PTTG1: variants seen among roughly 807,000 people sequenced by gnomAD.
The protein encoded by PTTG1 is securin.
A neutral mutation model predicts 20.0 loss-of-function variants in PTTG1; 8 were observed. That is an observed-to-expected ratio of 0.40 (90% CI 0.23 to 0.72). The LOEUF is 0.72. PTTG1 is among the 30% of genes least tolerant of loss of function. PTTG1 has a pLI of 0.38. For missense variants in PTTG1, 197 were observed against 236.0 expected (o/e 0.83, Z 1.08); for synonymous variants, 79 against 87.2 (o/e 0.91, Z 0.52).
intron 5 of PTTG1, 79 bp downstream of exon 5, chr5:160,427,952 G>C (rs1765841780): frequency 6.4e-7 from 1 of 1,552,156 alleles, no homozygotes; most frequent in African/African-American, 1.4e-5. Context: ...GAAGAGTTGT[G>C]CGGGAGGTGA....
intron 4 of PTTG1, among the ~76,000 whole-genome samples, chr5:160,426,176 A>T (rs963918553): frequency 1.3e-5 from 2 of 152,168 alleles, no homozygotes; most frequent in African/African-American, 4.8e-5. Context: ...GAAACTTAAG[A>T]TATTTATTCA....
At chr5:160,427,047 A>AG (rs1765821204) in intron 4 of PTTG1, among the ~76,000 whole-genome samples, 1 of 152,178 alleles carries the variant, frequency 6.6e-6, no homozygotes. Flanking sequence ...GTCTCAAAAA[A>AG]AAAATATTCA....
intron 4 of PTTG1, among the ~76,000 whole-genome samples, chr5:160,425,466 G>A (rs901365332): frequency 6.6e-6 from 1 of 152,194 alleles, no homozygotes; most frequent in Non-Finnish European, 1.5e-5. Context: ...TCAAAATAGT[G>A]TAAATTGTTA....
chr5:160,422,042 C>T (rs1765720731), intron 1 of PTTG1, 151 bp downstream of exon 1: 3 of 320,268 alleles, frequency 9.4e-6, no homozygotes, highest in South Asian at 7.9e-5. Context: ...AGCGTGGTCT[C>T]GGACTGCTAA....
rs1370620903 is a variant in PTTG1 at position 160,427,721 on chromosome 5, A to G, written c.377A>G (p.Glu126Gly). ...CGCTTTCTCTCTGTAACAGACTTTG[A>G]GAGTTTTGACCTGCCTGAAGAGCAC... ...KFFPFNPLDF[E>G]SFDLPEEHQI... The change falls in exon 5 of 6, where the codon GAG (glutamate) becomes GGG (glycine). Residue 126 changes from glutamate to glycine, a missense_variant. Coordinates refer to ENST00000352433, the MANE Select transcript of PTTG1 (RefSeq NM_004219.4). 1.9e-6 allele frequency: 3 copies of G among 1,613,804 alleles called. No individual in the cohort carries two copies. The highest frequency in any genetic ancestry group is 2.7e-5 in the African/African-American group (2 of 74,910).
chr5:160,427,514 T>A (rs1196885359), intron 4 of PTTG1, among the ~76,000 whole-genome samples: 1 of 152,194 alleles, frequency 6.6e-6, no homozygotes, highest in East Asian at 1.9e-4. Flanking sequence ...TGCCTTGATT[T>A]GTGTTGAGGC....
In PTTG1 at chr5:160,424,267, T is replaced by C; in HGVS notation, c.307T>C (p.Ser103Pro). Residue 103 changes from serine to proline, a missense_variant, in exon 4 of 6, where the codon TCT becomes CCT. Coordinates refer to ENST00000352433, the MANE Select transcript of PTTG1 (RefSeq NM_004219.4). ...TGAGAAGACTGTTAAAGCAAAAAGCTCTGTTCCTGCCTCAGATGATGCCTA... is the reference window on the plus strand; with the variant it reads ...TGAGAAGACTGTTAAAGCAAAAAGCCCTGTTCCTGCCTCAGATGATGCCTA... ...MTEKTVKAKS[S>P]VPASDDAYPE... 6.2e-7 allele frequency: 1 copy of C among 1,612,776 alleles called. No homozygotes were observed.
chr5:160,424,199 C>G (rs1278128547), intron 3 of PTTG1, 38 bp from the exon 4 acceptor site: 1 of 1,443,952 alleles, frequency 6.9e-7, no homozygotes, highest in Non-Finnish European at 9.6e-7. Context: ...AATAAGACTT[C>G]CACTGTCACT....
intron 5 of PTTG1, among the ~76,000 whole-genome samples, chr5:160,428,170 A>G (rs1027923766): frequency 2.0e-5 from 3 of 152,240 alleles, no homozygotes; most frequent in African/African-American, 7.2e-5. Flanking sequence ...CTTGCTTGGA[A>G]TGATGATTCC....
chr5:160,425,996 T>C (rs1765801815), intron 4 of PTTG1, among the ~76,000 whole-genome samples: 1 of 152,216 alleles, frequency 6.6e-6, no homozygotes, highest in African/African-American at 2.4e-5. Flanking sequence ...TTTTTAAAAA[T>C]AATTGCTAAG....
At chr5:160,428,021 A>G (rs1581087086) in intron 5 of PTTG1, 148 bp downstream of exon 5, 2 of 1,058,850 alleles carry the variant, frequency 1.9e-6, no homozygotes, top group East Asian at 2.6e-5. Flanking sequence ...AAAATAAACT[A>G]TTCTCGATTA....
chr5:160,426,197 A>G (rs982920947), intron 4 of PTTG1, among the ~76,000 whole-genome samples: 11 of 152,212 alleles, frequency 7.2e-5, no homozygotes, highest in Non-Finnish European at 1.5e-4. Flanking sequence ...CTAAGTAATC[A>G]CATTACATTA....
intron 4 of PTTG1, among the ~76,000 whole-genome samples, chr5:160,427,350 A>G (rs745648433): frequency 2.0e-5 from 3 of 152,274 alleles, no homozygotes; most frequent in Non-Finnish European, 2.9e-5. Context: ...TTTATCACAC[A>G]GAACATTAAA....
chr5:160,421,948 G>C (rs572126319), intron 1 of PTTG1, 57 bp downstream of exon 1: 1 of 195,896 alleles, frequency 5.1e-6, no homozygotes, highest in Admixed American at 5.6e-5. Flanking sequence ...CGGGGAAGGA[G>C]GCGGGCTGCG....
Position 160,427,966 on chromosome 5 carries a change from TGTGA to T in PTTG1, c.529+96_529+99del. 4.8e-6 allele frequency: 7 copies of T among 1,449,822 alleles called. No individual in the cohort carries two copies. The South Asian group carries it at 6.2e-5, about 13-fold the overall frequency. The allele number at this position is 1,449,822 out of a possible 1,614,324, so 89.8% of individuals were successfully genotyped here. A position where few individuals can be genotyped will look rare whatever the true frequency, so the allele number is the denominator to read the frequency against. ...GGAAGAGTTGTGCGGGAGGTGAGCCTGTGAGTAATTTCTGTCCTTCAAATGACAA... is the reference window on the plus strand; with the variant it reads ...GGAAGAGTTGTGCGGGAGGTGAGCCTGTAATTTCTGTCCTTCAAATGACAA... On this transcript the variant is annotated intron_variant, in intron 5 of 5. Transcript: ENST00000352433.
chr5:160,422,104 T>C, intron 1 of PTTG1, 198 bp from the exon 2 acceptor site: 1 of 521,968 alleles, frequency 1.9e-6, no homozygotes, highest in Non-Finnish European at 3.4e-6. Context: ...CGCGCGCTGC[T>C]CGGGACCTTA....
chr5:160,423,958 C>T (rs529438569), intron 3 of PTTG1, among the ~76,000 whole-genome samples: 1 of 152,286 alleles, frequency 6.6e-6, no homozygotes, highest in African/African-American at 2.4e-5. Flanking sequence ...CCATTTTCTC[C>T]TCTGTTAGGT....
chr5:160,422,950 A>G, intron 3 of PTTG1, 57 bp downstream of exon 3: 1 of 1,553,178 alleles, frequency 6.4e-7, no homozygotes, highest in Non-Finnish European at 8.9e-7. Flanking sequence ...GACTCTTAAA[A>G]TGACTATTGG....
chr5:160,424,490 T>C, intron 4 of PTTG1, 160 bp downstream of exon 4: 1 of 582,126 alleles, frequency 1.7e-6, no homozygotes, highest in Non-Finnish European at 3.0e-6. Flanking sequence ...ATGGAATTAT[T>C]TGCAAGGTAT....
Sources: gnomAD v4.1 joint callset for allele counts (sites outside exome capture counted in the v4.1 genomes callset) on GRCh38, gnomAD v4.1.1 for gene constraint, MANE v1.5 for transcripts, NCBI Gene and HGNC (gene_info 2026-07-23, HGNC 2026-07-21) for gene names.